The following SYT14 variants were observed in gnomAD, a reference collection of about 807,000 sequenced individuals.
The protein encoded by SYT14 is synaptotagmin-14.
In SYT14, 32 loss-of-function variants were observed where a neutral mutation model predicts 74.2. That is an observed-to-expected ratio of 0.43 (90% CI 0.33 to 0.58). SYT14 has a LOEUF of 0.58. SYT14 is among the 20% of genes least tolerant of loss of function. The pLI is 0.05. For missense variants in SYT14, 791 were observed against 981.8 expected, an observed-to-expected ratio of 0.81 and a Z score of 2.60; for synonymous variants, 298 against 337.7, an observed-to-expected ratio of 0.88 and a Z score of 1.29.
chr1:210,100,102 G>C (rs1572297130), exon 7 of SYT14: 2 of 1,614,032 alleles, frequency 1.2e-6, no homozygotes, highest in Non-Finnish European at 1.7e-6. Context: ...TGTGACTTTT[G>C]ACTATGACTC....
At chr1:210,101,371 G>A (rs2082062983) in intron 7 of SYT14, among the ~76,000 whole-genome samples, 1 of 151,832 alleles carries the variant, frequency 6.6e-6, no homozygotes, top group African/African-American at 2.4e-5. Flanking sequence ...GTGTTGTTTT[G>A]AGCTTTTAAA....
At chr1:210,159,970 G>A (rs1050779811) in intron 9 of SYT14, among the ~76,000 whole-genome samples, 2 of 152,068 alleles carry the variant, frequency 1.3e-5, no homozygotes, top group Non-Finnish European at 2.9e-5. Context: ...CATAAAAATA[G>A]TTCAGATATC....
At chr1:209,952,898 G>A in intron 2 of SYT14, 142 bp downstream of exon 2, 1 of 1,082,402 alleles carries the variant, frequency 9.2e-7, no homozygotes, top group Non-Finnish European at 1.3e-6. Context: ...ACAGACTTAA[G>A]CATTAGTAAA....
chr1:210,076,591 A>T (rs1308770403), intron 5 of SYT14, among the ~76,000 whole-genome samples: 1 of 152,216 alleles, frequency 6.6e-6, no homozygotes, highest in African/African-American at 2.4e-5. Flanking sequence ...TAGGCTGTTT[A>T]TAAAGAAAAG....
intron 9 of SYT14, among the ~76,000 whole-genome samples, chr1:210,160,404 G>T (rs1039740102): frequency 9.9e-5 from 15 of 151,608 alleles, no homozygotes; most frequent in African/African-American, 3.4e-4. Context: ...ATGGGAACGG[G>T]CAGGGGAGGG....
chr1:210,061,567 A>G (rs996959141), intron 5 of SYT14, among the ~76,000 whole-genome samples: 12 of 151,890 alleles, frequency 7.9e-5, no homozygotes, highest in Admixed American at 5.3e-4. Flanking sequence ...TGGATATTCA[A>G]TGCTGTATCT....
intron 5 of SYT14, among the ~76,000 whole-genome samples, chr1:210,027,102 ATAATAT>A (rs1371450527): frequency 2.0e-5 from 3 of 152,166 alleles, no homozygotes; most frequent in Non-Finnish European, 4.4e-5. Context: ...GCCTTTATTG[ATAATAT>A]TAAGTCAATT....
chr1:210,048,467 CG>C (rs890933423), intron 5 of SYT14, among the ~76,000 whole-genome samples: 1 of 152,098 alleles, frequency 6.6e-6, no homozygotes, highest in African/African-American at 2.4e-5. Flanking sequence ...AGAGCTGCTG[CG>C]GGAAAGTCCC....
At chr1:210,122,943 A>G (rs571609710) in intron 7 of SYT14, among the ~76,000 whole-genome samples, 1 of 152,316 alleles carries the variant, frequency 6.6e-6, no homozygotes, top group East Asian at 1.9e-4. Flanking sequence ...TAAATAATAG[A>G]TTTGCATAAC....
At chr1:209,980,958 A>G (rs1308062280) in intron 2 of SYT14, among the ~76,000 whole-genome samples, 2 of 152,150 alleles carry the variant, frequency 1.3e-5, no homozygotes. Flanking sequence ...GAATTTTAAA[A>G]TAGTTTTTTT....
chr1:209,944,024 A>G (rs1392003520), intron 1 of SYT14, among the ~76,000 whole-genome samples: 1 of 152,134 alleles, frequency 6.6e-6, no homozygotes, highest in Non-Finnish European at 1.5e-5. Context: ...ATTCAGAACA[A>G]TTTCTTATTT....
intron 5 of SYT14, among the ~76,000 whole-genome samples, chr1:210,065,147 A>G (rs1157442349): frequency 6.6e-6 from 1 of 152,010 alleles, no homozygotes; most frequent in Admixed American, 6.6e-5. Flanking sequence ...ATTTTCTTCC[A>G]TTCTGTGGAC....
chr1:210,143,304 T>C (rs2082958008), intron 7 of SYT14, among the ~76,000 whole-genome samples: 1 of 152,258 alleles, frequency 6.6e-6, no homozygotes, highest in South Asian at 2.1e-4. Context: ...ATTAATTCGG[T>C]GAAAGAATCA....
Position 210,123,737 on chromosome 1 carries a change from T to C in SYT14, c.2034+23276T>C, listed in dbSNP as rs72649953. On this transcript the variant is annotated intron_variant, in intron 7 of 9. Transcript: ENST00000637265. Reference sequence around the variant, plus strand: ...TTTTTGGGGAATGTATTCTTAAATATAAACAGGCAATCATGGCTGAGGAGA... The same window carrying C: ...TTTTTGGGGAATGTATTCTTAAATACAAACAGGCAATCATGGCTGAGGAGA... Among the ~76,000 whole-genome samples the C allele has an allele frequency of 0.016, 2,497 of 152,198 alleles. 202 individuals carry two copies. The East Asian group carries it at 0.26, about 16-fold the overall frequency.
intron 5 of SYT14, among the ~76,000 whole-genome samples, chr1:210,023,186 T>C (rs1005288642): frequency 3.9e-5 from 6 of 152,196 alleles, no homozygotes; most frequent in African/African-American, 1.4e-4. Flanking sequence ...TTTTTAGCAG[T>C]CATACACTGC....
intron 5 of SYT14, among the ~76,000 whole-genome samples, chr1:210,088,340 C>G (rs1378827040): frequency 1.3e-5 from 2 of 151,980 alleles, no homozygotes; most frequent in South Asian, 4.1e-4. Context: ...CTAATGCTAT[C>G]CCTCCCCTAG....
chr1:210,149,880 C>T (rs1304930203), intron 7 of SYT14, among the ~76,000 whole-genome samples: 1 of 152,212 alleles, frequency 6.6e-6, no homozygotes, highest in Non-Finnish European at 1.5e-5. Flanking sequence ...GGATAACAGT[C>T]TCACTGAAGA....
chr1:210,031,244 A>G (rs2080528196), intron 5 of SYT14, among the ~76,000 whole-genome samples: 1 of 151,772 alleles, frequency 6.6e-6, no homozygotes, highest in Admixed American at 6.6e-5. Flanking sequence ...ACATTCATTC[A>G]TTTTCAGATG....
intron 7 of SYT14, among the ~76,000 whole-genome samples, chr1:210,129,998 CTG>C (rs1464711704): frequency 6.6e-6 from 1 of 152,194 alleles, no homozygotes; most frequent in Non-Finnish European, 1.5e-5. Context: ...TTCTTCTTCA[CTG>C]TCATTTTCTG....
Sources: allele counts gnomAD v4.1 joint callset (sites outside exome capture counted in the v4.1 genomes callset), GRCh38; gene constraint gnomAD v4.1.1; transcripts MANE v1.5; gene names NCBI Gene and HGNC (gene_info 2026-07-23, HGNC 2026-07-21).